FSTL5: variants seen among roughly 807,000 people sequenced by gnomAD.
FSTL5 encodes the protein follistatin-related protein 5.
A neutral mutation model predicts 89.1 loss-of-function variants in FSTL5; 62 were observed. The observed-to-expected ratio is 0.70, with a 90% CI of 0.57 to 0.86. The LOEUF is 0.86. Among genes scored for constraint, FSTL5 ranks in the 40% least tolerant of loss-of-function variants. The pLI is 0.00. For missense variants in FSTL5, 1,057 were observed against 1,001.6 expected (o/e 1.06, Z -0.75); for synonymous variants, 383 against 346.2 (o/e 1.11, Z -1.18).
intron 4 of FSTL5, among the ~76,000 whole-genome samples, chr4:161,814,017 T>C (rs770115567): frequency 1.3e-5 from 2 of 149,988 alleles, no homozygotes; most frequent in Non-Finnish European, 3.0e-5. Flanking sequence ...AGTAAGTGAA[T>C]CAGTAAGGAA....
intron 3 of FSTL5, among the ~76,000 whole-genome samples, chr4:161,934,302 T>C (rs1004233250): frequency 2.0e-5 from 3 of 152,044 alleles, no homozygotes; most frequent in Non-Finnish European, 4.4e-5. Context: ...ATATAAAACT[T>C]GAGCACAGTA....
intron 4 of FSTL5, among the ~76,000 whole-genome samples, chr4:161,829,795 A>C (rs1287543589): frequency 6.6e-6 from 1 of 152,100 alleles, no homozygotes; most frequent in East Asian, 1.9e-4. Context: ...CCTTTACACA[A>C]GCATACACAG....
intron 13 of FSTL5, among the ~76,000 whole-genome samples, chr4:161,467,971 C>T (rs543153414): frequency 3.3e-5 from 5 of 152,128 alleles, no homozygotes; most frequent in African/African-American, 4.8e-5. Flanking sequence ...AAGAATACTA[C>T]ACAGATGTAC....
At chr4:161,970,964 T>C (rs1163726964) in intron 3 of FSTL5, among the ~76,000 whole-genome samples, 3 of 152,110 alleles carry the variant, frequency 2.0e-5, no homozygotes, top group Non-Finnish European at 2.9e-5. Context: ...ACTCTCTTTA[T>C]GTGATATAAC....
intron 1 of FSTL5, among the ~76,000 whole-genome samples, chr4:162,119,240 A>C (rs1731764771): frequency 5.3e-5 from 8 of 151,936 alleles, no homozygotes; most frequent in Admixed American, 5.2e-4. Context: ...TAAAAAAAAA[A>C]AAAGGTGCAC....
At chr4:161,629,252 T>G (rs1735417074) in intron 7 of FSTL5, among the ~76,000 whole-genome samples, 1 of 152,180 alleles carries the variant, frequency 6.6e-6, no homozygotes, top group African/African-American at 2.4e-5. Context: ...CTGTTCCAAG[T>G]TACAATGAAC....
chr4:161,420,174 T>C (rs1220838280), intron 15 of FSTL5, among the ~76,000 whole-genome samples: 3 of 152,116 alleles, frequency 2.0e-5, no homozygotes, highest in Non-Finnish European at 4.4e-5. Flanking sequence ...TGATATAGAC[T>C]CTCCAGGAAC....
chr4:161,613,432 G>T (rs1390535708), intron 7 of FSTL5, among the ~76,000 whole-genome samples: 1 of 148,280 alleles, frequency 6.7e-6, no homozygotes, highest in Admixed American at 6.8e-5. Context: ...TCTGGCGACA[G>T]AGTGAGTCTC....
chr4:161,575,139 A>G (rs1378180728), intron 8 of FSTL5, among the ~76,000 whole-genome samples: 5 of 152,166 alleles, frequency 3.3e-5, no homozygotes, highest in African/African-American at 1.2e-4. Context: ...GGCCACATAA[A>G]TGCCTTCTTT....
chr4:162,009,858 T>TA (rs1736710923), intron 3 of FSTL5, among the ~76,000 whole-genome samples: 2 of 152,070 alleles, frequency 1.3e-5, no homozygotes, highest in South Asian at 4.1e-4. Flanking sequence ...AAATTACGTG[T>TA]AGTAGCACCA....
chr4:162,113,645 C>G (rs1731530091), intron 1 of FSTL5, among the ~76,000 whole-genome samples: 1 of 152,220 alleles, frequency 6.6e-6, no homozygotes, highest in Admixed American at 6.5e-5. Flanking sequence ...CCTCCTGCGA[C>G]ACTAAACTTC....
At chr4:161,913,592 A>G (rs2110838400) in intron 4 of FSTL5, among the ~76,000 whole-genome samples, 1 of 152,290 alleles carries the variant, frequency 6.6e-6, no homozygotes, top group East Asian at 1.9e-4. Flanking sequence ...GCACCTGGAA[A>G]AGCCACAGAT....
At chr4:161,766,906 CGATTGATAGATAGATAGATAGATA>C (rs1579077180) in intron 5 of FSTL5, among the ~76,000 whole-genome samples, 1 of 138,620 alleles carries the variant, frequency 7.2e-6, no homozygotes, top group Non-Finnish European at 1.6e-5. Flanking sequence ...GATGATAGAT[CGATTGATAGATAGATAGATAGATA>C]GATAGATAGA....
chr4:161,861,740 G>A (rs1355234351), intron 4 of FSTL5, among the ~76,000 whole-genome samples: 1 of 152,156 alleles, frequency 6.6e-6, no homozygotes, highest in South Asian at 2.1e-4. Context: ...TTTGGAAGCC[G>A]CTTTTTCACT....
At chr4:161,830,448 A>AT (rs1730809265) in intron 4 of FSTL5, among the ~76,000 whole-genome samples, 1 of 151,952 alleles carries the variant, frequency 6.6e-6, no homozygotes, top group African/African-American at 2.4e-5. Flanking sequence ...TTGCTTAAAG[A>AT]TTTTGATTAA....
intron 15 of FSTL5, among the ~76,000 whole-genome samples, chr4:161,440,454 T>C (rs1422525486): frequency 6.6e-6 from 1 of 152,012 alleles, no homozygotes; most frequent in South Asian, 2.1e-4. Context: ...TTTTGTGATA[T>C]CTCCCACAAC....
intron 1 of FSTL5, among the ~76,000 whole-genome samples, chr4:162,157,317 A>G (rs1733519009): frequency 6.6e-6 from 1 of 152,144 alleles, no homozygotes; most frequent in Non-Finnish European, 1.5e-5. Context: ...ACTGCCAGAA[A>G]AAAAATAGAA....
intron 4 of FSTL5, among the ~76,000 whole-genome samples, chr4:161,874,713 G>A (rs1008960606): frequency 6.6e-6 from 1 of 151,822 alleles, no homozygotes; most frequent in Admixed American, 6.6e-5. Flanking sequence ...CGTTTAAACT[G>A]CCATTTAACC....
intron 6 of FSTL5, among the ~76,000 whole-genome samples, chr4:161,748,810 T>C (rs113995261): frequency 1.3e-5 from 2 of 152,050 alleles, no homozygotes; most frequent in African/African-American, 2.4e-5. Flanking sequence ...ATAAGGGCAT[T>C]TGAAAAACAC....
Sources: allele counts gnomAD v4.1 joint callset (sites outside exome capture counted in the v4.1 genomes callset), GRCh38; gene constraint gnomAD v4.1.1; transcripts MANE v1.5; gene names NCBI Gene and HGNC (gene_info 2026-07-23, HGNC 2026-07-21).